IMPACT: variants seen among roughly 807,000 people sequenced by gnomAD.
The protein encoded by IMPACT is impact RWD domain protein, also known as protein IMPACT.
A neutral mutation model predicts 47.5 loss-of-function variants in IMPACT; 35 were observed. That is an observed-to-expected ratio of 0.74 (90% CI 0.56 to 0.98). IMPACT has a LOEUF of 0.98. Ranked by LOEUF, IMPACT falls within the 50% of genes least tolerant of loss-of-function variation. The pLI, the probability that IMPACT is intolerant of heterozygous loss-of-function variation, is 0.00. For synonymous variants in IMPACT, 118 were observed against 125.6 expected (o/e 0.94, Z 0.40); for missense variants, 373 against 394.8 (o/e 0.94, Z 0.47).
Position 24,428,846 on chromosome 18 carries a change from A to T in IMPACT, c.166-23A>T, listed in dbSNP as rs375438157. The T allele has an allele frequency of 3.8e-6, 6 of 1,596,350 alleles. No homozygotes were observed. In the African/African-American group the frequency reaches 8.1e-5, roughly 21 times the overall value. On this transcript the variant is annotated intron_variant, in intron 2 of 10. Coordinates refer to ENST00000284202, the MANE Select transcript of IMPACT (RefSeq NM_018439.4). ...TTGAACCTTGATGAAGTGTAAACAGATGTTTTTGAACCTGCATTGTAGGTG... is the reference window on the plus strand; with the variant it reads ...TTGAACCTTGATGAAGTGTAAACAGTTGTTTTTGAACCTGCATTGTAGGTG...
At chr18:24,441,929 G>A (rs2144343644) in intron 6 of IMPACT, among the ~76,000 whole-genome samples, 1 of 152,228 alleles carries the variant, frequency 6.6e-6, no homozygotes, top group Middle Eastern at 3.4e-3. Context: ...CTATCAATTG[G>A]TCAGTAGTTC....
At chr18:24,441,993 A>AATC (rs947227019) in intron 6 of IMPACT, among the ~76,000 whole-genome samples, 4 of 152,336 alleles carry the variant, frequency 2.6e-5, no homozygotes, top group African/African-American at 9.6e-5. Context: ...CAGCAGTCAA[A>AATC]ATCAATTCAG....
chr18:24,451,077 T>A lies in IMPACT; in HGVS notation c.*230T>A. ...TTTGGGAGAACTAATTTGAACTTAA[T>A]CACCACTTCATCTAATTTTAGCAAG... On this transcript the variant is annotated 3_prime_UTR_variant, in exon 11 of 11. Coordinates refer to ENST00000284202, the MANE Select transcript of IMPACT (RefSeq NM_018439.4). 3.0e-6 allele frequency: 1 copy of A among 336,732 alleles called. No homozygotes were observed. The highest frequency in any genetic ancestry group is 5.5e-6 in the Non-Finnish European group (1 of 183,206). The allele number at this position is 336,732 out of a possible 1,614,324, so 20.9% of individuals were successfully genotyped here.
chr18:24,438,126 A>G, intron 5 of IMPACT, 86 bp downstream of exon 5: 1 of 660,664 alleles, frequency 1.5e-6, no homozygotes, highest in Non-Finnish European at 2.6e-6. Context: ...TTTAATGTGA[A>G]AATCTGTATT....
chr18:24,427,531 G>C (rs1421831071), intron 1 of IMPACT: 1 of 170,976 alleles, frequency 5.8e-6, no homozygotes, highest in African/African-American at 2.4e-5. Context: ...AGATAATGTG[G>C]GGCAGAGCTA....
rs376053200 is a variant in IMPACT, at chr18:24,440,773, A to G, written c.490+155A>G. ...ATTAATTTTTTCCTGCCTGTTGGCA[A>G]TTTTGGTGTTTGCCAAGTCTTATCA... is the stretch of plus-strand genomic sequence containing the variant. On this transcript the variant is annotated intron_variant, in intron 6 of 10. Coordinates refer to ENST00000284202, the MANE Select transcript of IMPACT (RefSeq NM_018439.4). Among the ~76,000 whole-genome samples, 44 of 152,338 alleles carry G rather than the reference A, an allele frequency of 2.9e-4. 1 individual carries two copies. The South Asian group carries it at 5.0e-3, about 17-fold the overall frequency.
intron 8 of IMPACT, among the ~76,000 whole-genome samples, chr18:24,446,645 T>C (rs1187698847): frequency 6.6e-6 from 1 of 152,218 alleles, no homozygotes; most frequent in Non-Finnish European, 1.5e-5. Flanking sequence ...ATTCATCATT[T>C]TGAGTAGGTG....
chr18:24,434,726 G>A (rs1187302951), intron 4 of IMPACT, among the ~76,000 whole-genome samples: 3 of 140,206 alleles, frequency 2.1e-5, no homozygotes, highest in African/African-American at 8.1e-5. Context: ...TCGTGCCATT[G>A]CACTCCAGCC....
At chr18:24,448,862 CT>C (rs1909309941) in intron 9 of IMPACT, among the ~76,000 whole-genome samples, 1 of 151,932 alleles carries the variant, frequency 6.6e-6, no homozygotes, top group African/African-American at 2.4e-5. Context: ...GCTGGATTTT[CT>C]TCATCTGTCT....
At chr18:24,433,215 C>T (rs1323828832) in intron 4 of IMPACT, among the ~76,000 whole-genome samples, 6 of 84,754 alleles carry the variant, frequency 7.1e-5, no homozygotes, top group Admixed American at 2.1e-4. Context: ...TTTTTTGAGA[C>T]GGAGTCTCGC....
At position 24,440,616 on chromosome 18, in the gene IMPACT, C is replaced by T. The variant is rs779183470; in HGVS notation, c.488C>T (p.Thr163Ile). 8.7e-6 allele frequency: 14 copies of T among 1,612,460 alleles called. No individual in the cohort carries two copies. The highest frequency in any genetic ancestry group is 1.3e-5 in the African/African-American group (1 of 74,960). ...GATTTTGATATCAGTGAAACTCGGA[C>T]AGGTATAATGTTACTAACTAATTTC... ...ALDFDISETR[T>I]EVEVEELPPI... Residue 163 changes from threonine (T) to isoleucine (I), a missense_variant and splice_region_variant, in exon 6 of 11, where the codon ACA (threonine) becomes ATA (isoleucine). Transcript: ENST00000284202.
chr18:24,450,728 T>A, intron 10 of IMPACT, 51 bp from the exon 11 acceptor site: 3 of 1,180,308 alleles, frequency 2.5e-6, no homozygotes, highest in Non-Finnish European at 3.8e-6. Flanking sequence ...GATTGAAGAT[T>A]TCATCTTTAT....
At chr18:24,445,742 GT>G (rs1224197266) in intron 8 of IMPACT, among the ~76,000 whole-genome samples, 1 of 151,870 alleles carries the variant, frequency 6.6e-6, no homozygotes, top group Non-Finnish European at 1.5e-5. Flanking sequence ...CTTGTATCCT[GT>G]TTTTTTCTTA....
intron 7 of IMPACT, among the ~76,000 whole-genome samples, chr18:24,444,523 T>A (rs912979993): frequency 6.6e-6 from 1 of 152,212 alleles, no homozygotes; most frequent in African/African-American, 2.4e-5. Context: ...ACACATGTAA[T>A]CTTTGCTGAT....
intron 4 of IMPACT, among the ~76,000 whole-genome samples, chr18:24,431,286 A>G (rs978276123): frequency 6.6e-6 from 1 of 152,192 alleles, no homozygotes; most frequent in African/African-American, 2.4e-5. Context: ...GTGAGAGGCC[A>G]CAGCACAGGG....
intron 4 of IMPACT, among the ~76,000 whole-genome samples, chr18:24,434,812 T>C (rs1015280155): frequency 6.8e-6 from 1 of 146,482 alleles, no homozygotes; most frequent in Non-Finnish European, 1.5e-5. Flanking sequence ...TGTGTGTGTA[T>C]ATATATGTGT....
Position 24,434,772 on chromosome 18 carries a change from A to AAT in IMPACT, c.282-3182_282-3181insTA, listed in dbSNP as rs1258988504. 3.4e-4 allele frequency among the ~76,000 whole-genome samples: 43 copies of AAT among 125,300 alleles called. 3 individuals are homozygous for AAT. The Middle Eastern group carries it at 0.015, about 44-fold the overall frequency. The allele number at this position is 125,300 out of a possible 152,430, so 82.2% of individuals were successfully genotyped here. On this transcript the variant is annotated intron_variant, in intron 4 of 10. Coordinates refer to ENST00000284202, the MANE Select transcript of IMPACT (RefSeq NM_018439.4). ...GAGCAAAACTCTGTCTCAAAAAAAA[A>AAT]AAAAATATATATATATATATATATG... is the stretch of plus-strand genomic sequence containing the variant.
chr18:24,434,642 A>G (rs1056630943), intron 4 of IMPACT, among the ~76,000 whole-genome samples: 2 of 151,696 alleles, frequency 1.3e-5, no homozygotes, highest in African/African-American at 2.4e-5. Context: ...GCATACCTGT[A>G]ATCCCAGCTA....
rs945131939 is a variant in IMPACT, at chr18:24,426,743, G to C, written c.-14G>C. 5 of 1,245,572 alleles carry C rather than the reference G, an allele frequency of 4.0e-6. No homozygotes were observed. The highest frequency in any genetic ancestry group is 3.1e-5 in the East Asian group (1 of 31,882). The allele number at this position is 1,245,572 out of a possible 1,614,324, so 77.2% of individuals were successfully genotyped here. ...CCTGGCAGGCGGCGGCTGCAGGGCA[G>C]GTCCAGGGGCCACATGGCTGAGGGG... On this transcript the variant is annotated 5_prime_UTR_variant, in exon 1 of 11. Transcript: ENST00000284202.
Sources: allele counts gnomAD v4.1 joint callset (sites outside exome capture counted in the v4.1 genomes callset), GRCh38; gene constraint gnomAD v4.1.1; transcripts MANE v1.5; gene names NCBI Gene and HGNC (gene_info 2026-07-23, HGNC 2026-07-21).